Variants in DGKB observed in about 807,000 individuals in gnomAD.
The protein encoded by DGKB is diacylglycerol kinase beta.
Under a neutral mutation model 114.3 loss-of-function variants are expected in DGKB, and 67 were observed. The observed-to-expected ratio is 0.59, with a 90% confidence interval of 0.48 to 0.72. The LOEUF (loss-of-function observed/expected upper bound fraction) is 0.72. Ranked by LOEUF, DGKB falls within the 30% of genes least tolerant of loss-of-function variation. DGKB has a pLI of 0.00. For missense variants in DGKB, 907 were observed against 975.2 expected (o/e 0.93, Z 0.93); for synonymous variants, 398 against 323.1 (o/e 1.23, Z -2.49).
intron 13 of DGKB, among the ~76,000 whole-genome samples, chr7:14,671,464 A>G (rs1036594649): frequency 1.3e-5 from 2 of 152,190 alleles, no homozygotes; most frequent in African/African-American, 4.8e-5. Flanking sequence ...CAGAATAAAA[A>G]CTGTCTAAAA....
intron 1 of DGKB, among the ~76,000 whole-genome samples, chr7:14,854,025 G>T (rs1319340850): frequency 1.3e-5 from 2 of 152,030 alleles, no homozygotes; most frequent in Non-Finnish European, 2.9e-5. Context: ...TTAGCAGTAA[G>T]CTCCCTTTAT....
At chr7:14,655,448 A>T (rs1203288722) in intron 13 of DGKB, among the ~76,000 whole-genome samples, 2 of 151,860 alleles carry the variant, frequency 1.3e-5, no homozygotes, top group Non-Finnish European at 2.9e-5. Flanking sequence ...AATTATAGTT[A>T]GTACAACTAT....
At chr7:14,236,351 A>AAT (rs3067643) in intron 23 of DGKB, among the ~76,000 whole-genome samples, 26 of 151,026 alleles carry the variant, frequency 1.7e-4, no homozygotes, top group Non-Finnish European at 2.8e-4. Context: ...TAATAAAAAA[A>AAT]AAGCTATTAT....
intron 21 of DGKB, among the ~76,000 whole-genome samples, chr7:14,405,143 T>C (rs1333706403): frequency 2.0e-5 from 3 of 151,838 alleles, no homozygotes; most frequent in Non-Finnish European, 4.4e-5. Flanking sequence ...TTCTCAAGAC[T>C]AGAAATTGTG....
chr7:14,474,040 T>C (rs934344246), intron 21 of DGKB, among the ~76,000 whole-genome samples: 16 of 152,170 alleles, frequency 1.1e-4, no homozygotes, highest in African/African-American at 3.6e-4. Flanking sequence ...TGGGGGACTA[T>C]TGGGAAGGCA....
At chr7:14,552,918 A>G (rs1795310108) in intron 20 of DGKB, among the ~76,000 whole-genome samples, 1 of 152,218 alleles carries the variant, frequency 6.6e-6, no homozygotes, top group Non-Finnish European at 1.5e-5. Context: ...AGCCACAGCT[A>G]TCAATAAACC....
At chr7:14,866,427 C>T in intron 1 of DGKB, among the ~76,000 whole-genome samples, 1 of 152,176 alleles carries the variant, frequency 6.6e-6, no homozygotes, top group East Asian at 1.9e-4. Flanking sequence ...CAACCCTTTG[C>T]AAACACTAAT....
chr7:14,277,723 T>C (rs921878807), intron 23 of DGKB, among the ~76,000 whole-genome samples: 1 of 152,218 alleles, frequency 6.6e-6, no homozygotes, highest in Non-Finnish European at 1.5e-5. Flanking sequence ...ACAATGAACA[T>C]GAGGATGCAG....
At chr7:14,595,090 T>G (rs554317080) in intron 17 of DGKB, among the ~76,000 whole-genome samples, 1 of 152,178 alleles carries the variant, frequency 6.6e-6, no homozygotes, top group Non-Finnish European at 1.5e-5. Flanking sequence ...GAGGGGTGGC[T>G]TAATAAACTT....
intron 1 of DGKB, among the ~76,000 whole-genome samples, chr7:14,847,999 T>C (rs1848868238): frequency 6.6e-6 from 1 of 152,218 alleles, no homozygotes; most frequent in Non-Finnish European, 1.5e-5. Context: ...TTAGAGGCCA[T>C]GTTAAGGACA....
At chr7:14,946,573 T>G (rs918007772) in intron 1 of DGKB, among the ~76,000 whole-genome samples, 2 of 151,748 alleles carry the variant, frequency 1.3e-5, no homozygotes, top group African/African-American at 4.8e-5. Flanking sequence ...TTGTCCCCAC[T>G]TACAAACTAC....
At chr7:14,403,623 C>T (rs946747140) in intron 21 of DGKB, among the ~76,000 whole-genome samples, 6 of 151,968 alleles carry the variant, frequency 3.9e-5, no homozygotes, top group African/African-American at 7.2e-5. Context: ...TTGGAGAACT[C>T]TTAGGGAACC....
chr7:14,372,995 T>G (rs1432495092), intron 21 of DGKB, among the ~76,000 whole-genome samples: 1 of 152,194 alleles, frequency 6.6e-6, no homozygotes. Context: ...AGGCCACAAC[T>G]CTACGTTTGA....
At position 14,511,025 on chromosome 7, in the gene DGKB, C is replaced by T. The variant is rs1283446875; in HGVS notation, c.1771-32800G>A. ...GCTTTGTTATTCCATTTATATTGCACAGTTAGAGTAGATTTTGAGATGATT... is the reference window on the plus strand; with the variant it reads ...GCTTTGTTATTCCATTTATATTGCATAGTTAGAGTAGATTTTGAGATGATT... On this transcript the variant is annotated intron_variant, in intron 20 of 25. Coordinates refer to ENST00000402815, the MANE Select transcript of DGKB (RefSeq NM_001350709.2). Among the ~76,000 whole-genome samples the T allele has an allele frequency of 4.6e-5, 7 of 152,238 alleles. No homozygotes were observed. In the East Asian group the frequency reaches 1.4e-3, roughly 29 times the overall value.
intron 6 of DGKB, among the ~76,000 whole-genome samples, chr7:14,714,779 A>G (rs536936529): frequency 6.6e-6 from 1 of 152,294 alleles, no homozygotes; most frequent in South Asian, 2.1e-4. Context: ...ATAGGAGCAA[A>G]TAAGTTGAAT....
intron 21 of DGKB, among the ~76,000 whole-genome samples, chr7:14,407,692 G>A (rs1268507078): frequency 6.6e-6 from 1 of 152,072 alleles, no homozygotes; most frequent in East Asian, 1.9e-4. Flanking sequence ...CTAATGAGTT[G>A]TATTATAAAA....
chr7:14,631,898 T>C (rs556016764), intron 13 of DGKB, among the ~76,000 whole-genome samples: 1 of 152,090 alleles, frequency 6.6e-6, no homozygotes, highest in Admixed American at 6.6e-5. Context: ...TGGATCCTTA[T>C]CCCATTCTGT....
chr7:14,883,217 T>C (rs1778797657), intron 1 of DGKB, among the ~76,000 whole-genome samples: 1 of 151,978 alleles, frequency 6.6e-6, no homozygotes. Flanking sequence ...AATTTACTTA[T>C]ACATTTTACA....
At chr7:14,594,807 GA>G (rs1473445964) in intron 17 of DGKB, among the ~76,000 whole-genome samples, 3 of 151,956 alleles carry the variant, frequency 2.0e-5, no homozygotes, top group African/African-American at 7.2e-5. Context: ...CTTCTATAGG[GA>G]AAAAAGACTT....
Sources: allele counts gnomAD v4.1 joint callset (sites outside exome capture counted in the v4.1 genomes callset), GRCh38; gene constraint gnomAD v4.1.1; transcripts MANE v1.5; gene names NCBI Gene and HGNC (gene_info 2026-07-23, HGNC 2026-07-21).